Variants in ACOXL observed in about 807,000 individuals in gnomAD.
ACOXL encodes acyl-coenzyme A oxidase-like protein.
Under a neutral mutation model 71.9 loss-of-function variants are expected in ACOXL, and 70 were observed. That is an observed-to-expected ratio of 0.97 (90% CI 0.80 to 1.19). ACOXL has a LOEUF of 1.19. Among genes scored for constraint, ACOXL ranks in the 50% most tolerant of loss-of-function variants. ACOXL has a pLI of 0.00. For missense variants in ACOXL, 703 were observed against 736.3 expected (o/e 0.95, Z 0.52); for synonymous variants, 253 against 281.6 (o/e 0.90, Z 1.02).
chr2:110,805,375 C>T lies in ACOXL; in HGVS notation c.733C>T (p.Gln245Ter). 1 of 1,614,232 alleles carries T rather than the reference C, an allele frequency of 6.2e-7. No individual in the cohort carries two copies. Among genetic ancestry groups the T allele is most frequent in the East Asian group, 2.2e-5 (1 of 44,880 alleles). Residue 245 changes from glutamine (Q) to a stop codon, truncating the protein, a stop_gained, in exon 9 of 18, where the codon CAA becomes TAA. Transcript: ENST00000439055. LOFTEE classifies it high-confidence loss of function. ...LTPSRLAVAF[Q>*]AMGAMKLGLT... Reference sequence around the variant, plus strand: ...CCCTTCGAGATTAGCTGTGGCTTTCCAAGCTATGGGTGCCATGAAGGTAAT... The same window carrying T: ...CCCTTCGAGATTAGCTGTGGCTTTCTAAGCTATGGGTGCCATGAAGGTAAT...
intron 16 of ACOXL, among the ~76,000 whole-genome samples, chr2:111,070,435 TCA>T (rs2067287396): frequency 6.6e-6 from 1 of 152,094 alleles, no homozygotes. Flanking sequence ...CCACATGCTC[TCA>T]CTTATAAGTA....
chr2:110,814,727 T>C (rs1687724365), intron 9 of ACOXL, among the ~76,000 whole-genome samples: 1 of 152,228 alleles, frequency 6.6e-6, no homozygotes, highest in Admixed American at 6.5e-5. Context: ...ATCATATTTC[T>C]TCTCTAGAAG....
At chr2:110,959,237 C>T (rs2061610282) in intron 12 of ACOXL, among the ~76,000 whole-genome samples, 1 of 152,188 alleles carries the variant, frequency 6.6e-6, no homozygotes, top group South Asian at 2.1e-4. Flanking sequence ...AGCCTGAGGC[C>T]ACAGCCCTGC....
At chr2:111,040,034 T>C (rs72836311) in intron 15 of ACOXL, among the ~76,000 whole-genome samples, 10,951 of 152,226 alleles carry the variant, frequency 0.072, 541 homozygotes, top group African/African-American at 0.13. Context: ...TAAGACAAAA[T>C]AAATTTTATG....
At chr2:111,112,783 G>A (rs1231962945) in intron 17 of ACOXL, among the ~76,000 whole-genome samples, 2 of 152,238 alleles carry the variant, frequency 1.3e-5, no homozygotes, top group African/African-American at 4.8e-5. Context: ...CTGTTGACCA[G>A]TGTGGAAGGG....
chr2:110,751,454 C>A (rs771444774), intron 1 of ACOXL, among the ~76,000 whole-genome samples: 3 of 152,138 alleles, frequency 2.0e-5, no homozygotes, highest in Non-Finnish European at 4.4e-5. Context: ...TCTCTATTCA[C>A]CATATCCCAT....
chr2:110,985,314 C>T (rs1370881600), intron 12 of ACOXL, among the ~76,000 whole-genome samples: 1 of 152,138 alleles, frequency 6.6e-6, no homozygotes, highest in Non-Finnish European at 1.5e-5. Context: ...TGCAGTGATT[C>T]TCAATCTCAC....
intron 12 of ACOXL, among the ~76,000 whole-genome samples, chr2:110,979,045 G>A (rs934717645): frequency 2.1e-4 from 32 of 152,106 alleles, no homozygotes; most frequent in Admixed American, 5.2e-4. Context: ...GGTGAGTGCA[G>A]GGTAGAGGGA....
chr2:110,883,563 C>T (rs1348108994), intron 10 of ACOXL, among the ~76,000 whole-genome samples: 1 of 152,164 alleles, frequency 6.6e-6, no homozygotes, highest in Non-Finnish European at 1.5e-5. Context: ...AAAATTCTTT[C>T]TCAGAAGGTC....
intron 15 of ACOXL, among the ~76,000 whole-genome samples, chr2:111,042,507 TG>T (rs2065830919): frequency 6.6e-6 from 1 of 152,066 alleles, no homozygotes; most frequent in African/African-American, 2.4e-5. Flanking sequence ...CTCTGCAGGA[TG>T]GGAAGAAGCC....
At chr2:110,895,253 A>G (rs2058960674) in intron 10 of ACOXL, among the ~76,000 whole-genome samples, 1 of 152,188 alleles carries the variant, frequency 6.6e-6, no homozygotes, top group African/African-American at 2.4e-5. Flanking sequence ...AAATTTTCAA[A>G]TGGAAAAATA....
rs192888421 is a variant in ACOXL, at chr2:110,751,240, G to A, written c.-22-17128G>A. On this transcript the variant is annotated intron_variant, in intron 1 of 17. Coordinates refer to ENST00000439055, the MANE Select transcript of ACOXL (RefSeq NM_001142807.4). ...GGCGTGAACCTGGGAGGCGGAGCTT[G>A]CAGTGAGCCGAGATCGTGCCACTGC... Among the ~76,000 whole-genome samples, 159 of 149,434 alleles carry A rather than the reference G, an allele frequency of 1.1e-3. 1 individual carries two copies. The highest frequency in any genetic ancestry group is 3.6e-3 in the Middle Eastern group (1 of 274).
chr2:111,044,281 T>A (rs1341172767), intron 15 of ACOXL, among the ~76,000 whole-genome samples: 3 of 152,218 alleles, frequency 2.0e-5, no homozygotes, highest in Non-Finnish European at 4.4e-5. Flanking sequence ...GGCTACCCCA[T>A]GGGTCTAGAG....
intron 1 of ACOXL, among the ~76,000 whole-genome samples, chr2:110,759,015 T>A (rs190330594): frequency 7.2e-4 from 109 of 152,376 alleles, no homozygotes; most frequent in Non-Finnish European, 1.1e-3. Context: ...TGAGTTCTAA[T>A]TTGATTGCTC....
chr2:110,780,641 C>T (rs1683206669), intron 2 of ACOXL, among the ~76,000 whole-genome samples: 1 of 152,094 alleles, frequency 6.6e-6, no homozygotes, highest in African/African-American at 2.4e-5. Flanking sequence ...ACATAGATGC[C>T]TCATTTGCAT....
At chr2:111,035,129 G>A (rs988753205) in intron 15 of ACOXL, among the ~76,000 whole-genome samples, 2 of 152,082 alleles carry the variant, frequency 1.3e-5, no homozygotes, top group African/African-American at 4.8e-5. Context: ...GCCTCCCAAA[G>A]TGCTGGGATT....
At chr2:110,846,979 A>C (rs1313164870) in intron 10 of ACOXL, among the ~76,000 whole-genome samples, 1 of 151,948 alleles carries the variant, frequency 6.6e-6, no homozygotes, top group Non-Finnish European at 1.5e-5. Context: ...ATGGCGCTTT[A>C]ATTTATTTTT....
At chr2:110,949,672 C>G (rs2061251296) in intron 12 of ACOXL, among the ~76,000 whole-genome samples, 1 of 152,132 alleles carries the variant, frequency 6.6e-6, no homozygotes, top group Non-Finnish European at 1.5e-5. Context: ...TTTTGACTCC[C>G]TGACATTCTC....
intron 14 of ACOXL, among the ~76,000 whole-genome samples, chr2:111,018,708 T>TGG (rs34041816): frequency 0.1 from 13,473 of 134,478 alleles, 810 homozygotes; most frequent in Middle Eastern, 0.14. Flanking sequence ...GCAGAGAGGC[T>TGG]GGAGGGGGTG....
Sources: gnomAD v4.1 joint callset for allele counts (sites outside exome capture counted in the v4.1 genomes callset) on GRCh38, gnomAD v4.1.1 for gene constraint, MANE v1.5 for transcripts, NCBI Gene and HGNC (gene_info 2026-07-23, HGNC 2026-07-21) for gene names.